The following ARHGAP15 variants were observed in gnomAD, a reference collection of about 807,000 sequenced individuals.
The protein encoded by ARHGAP15 is rho GTPase-activating protein 15.
ARHGAP15 carries 51 observed loss-of-function variants against 63.7 expected under a neutral mutation model. The ratio of observed to expected loss-of-function variants is 0.80; its 90% CI spans 0.64 to 1.01. The LOEUF (loss-of-function observed/expected upper bound fraction) is 1.01. Among genes scored for constraint, ARHGAP15 ranks in the 50% least tolerant of loss-of-function variants. The probability of loss-of-function intolerance (pLI) is 0.00; values close to 1 mark genes in which losing one functional copy is unlikely to be tolerated. For synonymous variants in ARHGAP15, 191 were observed against 193.8 expected, an observed-to-expected ratio of 0.99 and a Z score of 0.12; for missense variants, 560 against 564.6, an observed-to-expected ratio of 0.99 and a Z score of 0.08.
At chr2:143,376,018 A>C (rs57203584) in intron 6 of ARHGAP15, among the ~76,000 whole-genome samples, 1 of 152,170 alleles carries the variant, frequency 6.6e-6, no homozygotes, top group Admixed American at 6.5e-5. Context: ...CGCATGTGGC[A>C]TTCTTTGTCA....
At chr2:143,161,800 C>T (rs576966509) in intron 2 of ARHGAP15, among the ~76,000 whole-genome samples, 3 of 151,842 alleles carry the variant, frequency 2.0e-5, no homozygotes, top group Non-Finnish European at 4.4e-5. Context: ...GTTCTGTTAC[C>T]GAGTAGGAGA....
At chr2:143,721,061 C>CAA (rs60500194) in intron 13 of ARHGAP15, among the ~76,000 whole-genome samples, 5,817 of 78,344 alleles carry the variant, frequency 0.074, 674 homozygotes, top group African/African-American at 0.24. Context: ...GACTCCGTCT[C>CAA]AAAAAAAAAA....
At position 143,515,557 on chromosome 2, in the gene ARHGAP15, GA is replaced by G. The variant is rs1693778669; in HGVS notation, c.827-3703del. 2.6e-5 allele frequency among the ~76,000 whole-genome samples: 4 copies of G among 152,062 alleles called. No individual in the cohort carries two copies. The South Asian group carries it at 6.2e-4, about 24-fold the overall frequency. ...ATTCAAAGATGGATTAAAAGAAAAA[GA>G]AAAAAGACTTCTTATATATCCCTTT... On this transcript the variant is annotated intron_variant, in intron 9 of 13. Transcript: ENST00000295095.
chr2:143,150,814 A>G (rs752898804), intron 1 of ARHGAP15, among the ~76,000 whole-genome samples: 3 of 152,134 alleles, frequency 2.0e-5, no homozygotes, highest in Non-Finnish European at 4.4e-5. Context: ...TGATGATGAC[A>G]TGAGTGGGTA....
chr2:143,422,002 A>T (rs1466516191), intron 6 of ARHGAP15, among the ~76,000 whole-genome samples: 1 of 152,124 alleles, frequency 6.6e-6, no homozygotes, highest in Non-Finnish European at 1.5e-5. Context: ...TTATACCTCC[A>T]GGACAGTGGC....
intron 12 of ARHGAP15, among the ~76,000 whole-genome samples, chr2:143,635,036 A>C (rs1437055290): frequency 6.6e-6 from 1 of 152,012 alleles, no homozygotes; most frequent in African/African-American, 2.4e-5. Context: ...AAATGTTATC[A>C]GTTGAACACA....
chr2:143,556,521 G>A (rs751062283), intron 11 of ARHGAP15, 36 bp downstream of exon 11: 17 of 1,482,938 alleles, frequency 1.1e-5, no homozygotes, highest in Non-Finnish European at 7.5e-6. Context: ...TTTTCAAACA[G>A]TTTCATATGG....
chr2:143,478,821 T>C (rs1008619159), intron 8 of ARHGAP15, among the ~76,000 whole-genome samples: 22 of 152,320 alleles, frequency 1.4e-4, no homozygotes, highest in African/African-American at 5.1e-4. Context: ...TTCTTAACTA[T>C]TGATTATTTG....
intron 2 of ARHGAP15, among the ~76,000 whole-genome samples, chr2:143,177,569 T>C (rs1449113531): frequency 6.6e-6 from 1 of 152,238 alleles, no homozygotes; most frequent in Non-Finnish European, 1.5e-5. Context: ...ACTTACACTC[T>C]CTGACAGGGA....
intron 12 of ARHGAP15, among the ~76,000 whole-genome samples, chr2:143,629,025 C>T (rs1226087734): frequency 6.6e-6 from 1 of 152,140 alleles, no homozygotes; most frequent in African/African-American, 2.4e-5. Context: ...AACTGGAATA[C>T]TTTGCATCTG....
chr2:143,261,748 T>C (rs962011359), intron 6 of ARHGAP15, among the ~76,000 whole-genome samples: 3 of 152,044 alleles, frequency 2.0e-5, no homozygotes, highest in Non-Finnish European at 2.9e-5. Context: ...GAAAGAAAAA[T>C]TTGAGACTAG....
At chr2:143,710,348 A>T (rs545515863) in intron 13 of ARHGAP15, among the ~76,000 whole-genome samples, 1 of 152,296 alleles carries the variant, frequency 6.6e-6, no homozygotes, top group East Asian at 1.9e-4. Context: ...GTAGTTAAGA[A>T]AATTAATTAC....
intron 8 of ARHGAP15, among the ~76,000 whole-genome samples, chr2:143,450,793 A>T (rs1263847979): frequency 2.0e-5 from 3 of 152,006 alleles, no homozygotes; most frequent in African/African-American, 7.2e-5. Context: ...TGACAATTTA[A>T]GGTGAGTCAG....
rs547255430 is a variant in ARHGAP15, at chr2:143,306,265, C to G, written c.474+55665C>G. Among the ~76,000 whole-genome samples the G allele has an allele frequency of 4.4e-4, 67 of 152,098 alleles. 2 individuals are homozygous for G. The Middle Eastern group carries it at 0.031, about 69-fold the overall frequency. On this transcript the variant is annotated intron_variant, in intron 6 of 13. Coordinates refer to ENST00000295095, the MANE Select transcript of ARHGAP15 (RefSeq NM_018460.4). ...CGTTCTGAGACTTATGGACAGAGAT[C>G]AAAGAAAACAGTGGTTACTACAGTG...
intron 6 of ARHGAP15, among the ~76,000 whole-genome samples, chr2:143,389,708 A>G (rs1316873833): frequency 6.6e-6 from 1 of 152,184 alleles, no homozygotes; most frequent in Admixed American, 6.6e-5. Flanking sequence ...TTCAAAAGTC[A>G]GGTGCCTGGA....
intron 6 of ARHGAP15, among the ~76,000 whole-genome samples, chr2:143,380,368 A>G (rs1027126627): frequency 6.6e-6 from 1 of 152,084 alleles, no homozygotes; most frequent in Non-Finnish European, 1.5e-5. Context: ...GTTTTGTTCA[A>G]TCCTCACGTC....
intron 13 of ARHGAP15, chr2:143,706,517 G>A (rs1045284441): frequency 6.6e-6 from 1 of 152,132 alleles, no homozygotes. Context: ...AGAGCTCTGA[G>A]TTAAATGCAC....
intron 6 of ARHGAP15, among the ~76,000 whole-genome samples, chr2:143,337,441 T>C (rs996579167): frequency 6.6e-6 from 1 of 152,196 alleles, no homozygotes; most frequent in Non-Finnish European, 1.5e-5. Flanking sequence ...ATGACAAATA[T>C]GTCAAATTTT....
intron 9 of ARHGAP15, among the ~76,000 whole-genome samples, chr2:143,516,007 CT>C (rs1054778273): frequency 6.6e-6 from 1 of 152,122 alleles, no homozygotes; most frequent in African/African-American, 2.4e-5. Context: ...TTTTACTTGT[CT>C]TTCCTTATCT....
Sources: allele counts gnomAD v4.1 joint callset (sites outside exome capture counted in the v4.1 genomes callset), GRCh38; gene constraint gnomAD v4.1.1; transcripts MANE v1.5; gene names NCBI Gene and HGNC (gene_info 2026-07-23, HGNC 2026-07-21).